Variants in CTNNA2 observed in about 807,000 individuals in gnomAD.
The protein encoded by CTNNA2 is catenin alpha-2.
CTNNA2 carries 42 observed loss-of-function variants against 101.0 expected under a neutral mutation model. That is an observed-to-expected ratio of 0.42 (90% confidence interval 0.32 to 0.54). The LOEUF (loss-of-function observed/expected upper bound fraction) is 0.54. Ranked by LOEUF, CTNNA2 falls within the 20% of genes least tolerant of loss-of-function variation. CTNNA2 has a pLI of 0.14. For missense variants in CTNNA2, 871 were observed against 1,223.1 expected, an observed-to-expected ratio of 0.71 and a Z score of 4.29; for synonymous variants, 450 against 456.4, an observed-to-expected ratio of 0.99 and a Z score of 0.18.
rs1558832900 is a variant in CTNNA2 at position 80,126,597 on chromosome 2, TCC to T, written c.1056+216802_1056+216803del. On this transcript the variant is annotated intron_variant, in intron 7 of 18. Coordinates refer to ENST00000402739, the MANE Select transcript of CTNNA2 (RefSeq NM_001282597.3). The stretch of plus-strand genomic sequence containing the variant: ...TTTGCCCTTTCTTTCCCTCCCTCCC[TCC>T]CTCCCTCCCTCCCTCCCTCCCTCCC... Among the ~76,000 whole-genome samples, 173 of 21,714 alleles carry T rather than the reference TCC, an allele frequency of 8.0e-3. 5 individuals are homozygous for T. Among genetic ancestry groups the T allele is most frequent in the African/African-American group, 0.019 (135 of 7,150 alleles). The allele number at this position is 21,714 out of a possible 152,430, so 14.2% of individuals were successfully genotyped here. A position where few individuals can be genotyped will look rare whatever the true frequency, so the allele number is the denominator to read the frequency against.
chr2:79,788,357 A>C (rs1675011641), intron 3 of CTNNA2, among the ~76,000 whole-genome samples: 1 of 152,126 alleles, frequency 6.6e-6, no homozygotes, highest in South Asian at 2.1e-4. Context: ...TGGACTTGGA[A>C]GTGTTTGCAG....
intron 7 of CTNNA2, among the ~76,000 whole-genome samples, chr2:79,963,901 A>G (rs1030883731): frequency 1.6e-4 from 24 of 152,100 alleles, no homozygotes; most frequent in Admixed American, 6.5e-5. Flanking sequence ...ATGTCTAGCC[A>G]TGTTTCTATT....
chr2:79,422,163 A>G (rs970072702), intron 4 of CTNNA2, among the ~76,000 whole-genome samples: 10 of 152,240 alleles, frequency 6.6e-5, no homozygotes, highest in Middle Eastern at 3.4e-3. Flanking sequence ...AAAAACAAAC[A>G]AACAGTGAAG....
upstream of CTNNA2, among the ~76,000 whole-genome samples, chr2:79,511,478 G>A (rs1389687936): frequency 6.6e-6 from 1 of 152,098 alleles, no homozygotes; most frequent in African/African-American, 2.4e-5. Context: ...GTTTCTATAG[G>A]CAGTCTAAGA....
intron 3 of CTNNA2, among the ~76,000 whole-genome samples, chr2:79,817,023 T>C (rs1677562824): frequency 6.6e-6 from 1 of 152,146 alleles, no homozygotes; most frequent in African/African-American, 2.4e-5. Context: ...ATATTCTTTT[T>C]TTTATTGCCT....
chr2:80,237,286 G>A (rs983528049), intron 7 of CTNNA2, among the ~76,000 whole-genome samples: 14 of 152,162 alleles, frequency 9.2e-5, no homozygotes, highest in African/African-American at 3.4e-4. Flanking sequence ...CTAAAAAATT[G>A]AATAATGTGT....
chr2:79,919,595 G>A (rs1041161030), intron 7 of CTNNA2, among the ~76,000 whole-genome samples: 10 of 152,152 alleles, frequency 6.6e-5, no homozygotes, highest in African/African-American at 1.9e-4. Context: ...TGATCTTCTC[G>A]GAAGAGGCTT....
intron 7 of CTNNA2, among the ~76,000 whole-genome samples, chr2:80,283,890 G>T (rs988454414): frequency 6.6e-6 from 1 of 152,098 alleles, no homozygotes; most frequent in African/African-American, 2.4e-5. Context: ...GGAGGAGAGG[G>T]AGAAGGAGGA....
At chr2:79,537,386 C>CT (rs1226671147) in intron 1 of CTNNA2, among the ~76,000 whole-genome samples, 1 of 152,138 alleles carries the variant, frequency 6.6e-6, no homozygotes, top group Non-Finnish European at 1.5e-5. Context: ...CCTTTCATGC[C>CT]CTTTCCCGTG....
intron 4 of CTNNA2, among the ~76,000 whole-genome samples, chr2:79,395,856 G>A (rs1390095798): frequency 3.3e-5 from 5 of 152,110 alleles, no homozygotes; most frequent in Admixed American, 2.6e-4. Flanking sequence ...AGGCTGGAGT[G>A]CTGTCTGTGA....
intron 3 of CTNNA2, among the ~76,000 whole-genome samples, chr2:79,849,780 A>C (rs1158602941): frequency 6.6e-6 from 1 of 152,218 alleles, no homozygotes; most frequent in Non-Finnish European, 1.5e-5. Context: ...ATGAAAAAGA[A>C]GAAAGTATTT....
At chr2:80,062,477 A>T (rs1201504885) in intron 7 of CTNNA2, among the ~76,000 whole-genome samples, 3 of 152,200 alleles carry the variant, frequency 2.0e-5, no homozygotes, top group Non-Finnish European at 4.4e-5. Flanking sequence ...TTGCAAAGGC[A>T]TTAACAGGTT....
At chr2:80,003,466 A>G (rs568720784) in intron 7 of CTNNA2, among the ~76,000 whole-genome samples, 12 of 152,260 alleles carry the variant, frequency 7.9e-5, no homozygotes, top group African/African-American at 2.2e-4. Context: ...CCCCTGGCCC[A>G]TAGGTACCAC....
rs111521407 is a variant in CTNNA2 at position 79,882,748 on chromosome 2, C to G, written c.852+8406C>G. On this transcript the variant is annotated intron_variant, in intron 6 of 18. Coordinates refer to ENST00000402739, the MANE Select transcript of CTNNA2 (RefSeq NM_001282597.3). ...TGCTGGTCACTACTCCCCCTGGGAG[C>G]TTGGCAGGCTTAAGCAGGTTCCAGC... is the stretch of plus-strand genomic sequence containing the variant. 5.9e-4 allele frequency among the ~76,000 whole-genome samples: 90 copies of G among 152,336 alleles called. 1 individual carries two copies. Among genetic ancestry groups the G allele is most frequent in the African/African-American group, 2.1e-3 (86 of 41,580 alleles).
At chr2:79,863,719 T>A (rs1681815769) in intron 4 of CTNNA2, among the ~76,000 whole-genome samples, 2 of 152,134 alleles carry the variant, frequency 1.3e-5, no homozygotes, top group Non-Finnish European at 2.9e-5. Flanking sequence ...GGGGCTGGCA[T>A]AGGGCACTCT....
At chr2:79,308,998 C>T (rs1156307413) in intron 2 of CTNNA2, among the ~76,000 whole-genome samples, 1 of 152,040 alleles carries the variant, frequency 6.6e-6, no homozygotes, top group Non-Finnish European at 1.5e-5. Flanking sequence ...CTCCTTCCTG[C>T]TGCCCTATAT....
intron 12 of CTNNA2, among the ~76,000 whole-genome samples, chr2:80,558,087 G>T (rs1042590928): frequency 1.3e-5 from 2 of 152,072 alleles, no homozygotes; most frequent in African/African-American, 4.8e-5. Flanking sequence ...AAGTTAACTA[G>T]GAAAGTAACC....
In CTNNA2 at chr2:80,206,237, A is replaced by G. The variant is rs1183407365; in HGVS notation, c.1057-186974A>G. Among the ~76,000 whole-genome samples, 4 of 152,314 alleles carry G rather than the reference A, an allele frequency of 2.6e-5. No homozygotes were observed. In the East Asian group the frequency reaches 7.7e-4, roughly 29 times the overall value. ...TTAAGATGTGGATTCTTTAGAATAG[A>G]ATGTGTATTTTTAGAACACCATTGT... On this transcript the variant is annotated intron_variant, in intron 7 of 18. Coordinates refer to ENST00000402739, the MANE Select transcript of CTNNA2 (RefSeq NM_001282597.3).
intron 9 of CTNNA2, among the ~76,000 whole-genome samples, chr2:80,515,168 C>CTTTT (rs1559172851): frequency 1.3e-5 from 2 of 148,250 alleles, no homozygotes; most frequent in African/African-American, 4.9e-5. Flanking sequence ...TTTTTTTTCC[C>CTTTT]CCTTGGAAAC....
Sources: gnomAD v4.1 joint callset for allele counts (sites outside exome capture counted in the v4.1 genomes callset) on GRCh38, gnomAD v4.1.1 for gene constraint, MANE v1.5 for transcripts, NCBI Gene and HGNC (gene_info 2026-07-23, HGNC 2026-07-21) for gene names.